Variants in CLCC1 observed in about 807,000 individuals in gnomAD.
CLCC1 encodes the protein chloride channel CLIC like 1.
Under a neutral mutation model 63.3 loss-of-function variants are expected in CLCC1, and 39 were observed. The ratio of observed to expected loss-of-function variants is 0.62; its 90% CI spans 0.48 to 0.81. The LOEUF is 0.81. Ranked by LOEUF, CLCC1 falls within the 30% of genes least tolerant of loss-of-function variation. The pLI is 0.00. For synonymous variants in CLCC1, 217 were observed against 239.8 expected, an observed-to-expected ratio of 0.90 and a Z score of 0.88; for missense variants, 549 against 669.4, an observed-to-expected ratio of 0.82 and a Z score of 1.98.
Position 108,943,935 on chromosome 1 carries a change from T to C in CLCC1, c.462A>G (p.Ala154=), listed in dbSNP as rs80340497. 1,512 of 1,613,124 alleles carry C rather than the reference T, an allele frequency of 9.4e-4. 16 individuals are homozygous for C. The African/African-American group carries it at 0.018, about 19-fold the overall frequency. ...EDWKPGALDD[A]LSDILINFKF... is the part of the protein sequence containing the mutation. ...TAAAATTAATTAAAATATCACTTAG[T>C]GCATCATCCAAGGCACCTGGTTTCC... Residue 154 remains alanine (A), a synonymous_variant, in exon 6 of 13, where the codon GCA becomes GCG. Coordinates refer to ENST00000369969, the MANE Select transcript of CLCC1 (RefSeq NM_001377458.1).
chr1:108,960,614 C>T (rs1223510851), intron 2 of CLCC1, among the ~76,000 whole-genome samples: 1 of 152,068 alleles, frequency 6.6e-6, no homozygotes, highest in African/African-American at 2.4e-5. Flanking sequence ...AGGTTATATA[C>T]TCCATAAATA....
intron 2 of CLCC1, among the ~76,000 whole-genome samples, chr1:108,956,213 T>C (rs1300698533): frequency 2.6e-5 from 4 of 151,372 alleles, no homozygotes; most frequent in Non-Finnish European, 4.4e-5. Flanking sequence ...TGGCCAGCCA[T>C]GTGGGTGAGC....
In CLCC1 at chr1:108,934,891, C is replaced by T; in HGVS notation, c.1435G>A (p.Gly479Arg). The change falls in exon 12 of 13, where the codon GGG becomes AGG. Residue 479 changes from glycine to arginine, a missense_variant. By Grantham distance (125) the Gly-to-Arg change is moderately radical (BLOSUM62 -2). Coordinates refer to ENST00000369969, the MANE Select transcript of CLCC1 (RefSeq NM_001377458.1). ...CTGCTTTCTTTCGGTGTGCCTTCCC[C>T]CAGGATTCCACCTGTCTCCTTGGGC... ...TKPKETGGILGEGTPKESSTE... is the reference protein window; with the variant it reads ...TKPKETGGILREGTPKESSTE... 1 of 1,614,166 alleles carries T rather than the reference C, an allele frequency of 6.2e-7. No individual in the cohort carries two copies. The highest frequency in any genetic ancestry group is 1.3e-5 in the African/African-American group (1 of 75,036).
At chr1:108,951,951 A>G (rs1430277541) in intron 2 of CLCC1, among the ~76,000 whole-genome samples, 5 of 150,912 alleles carry the variant, frequency 3.3e-5, no homozygotes, top group Non-Finnish European at 7.4e-5. Context: ...AAATTAATTA[A>G]CTTTTTTGTA....
Position 108,934,845 on chromosome 1 carries a change from G to A in CLCC1, c.1481C>T (p.Ala494Val), listed in dbSNP as rs748480469. 6.2e-7 allele frequency: 1 copy of A among 1,614,074 alleles called. No homozygotes were observed. The highest frequency in any genetic ancestry group is 8.5e-7 in the Non-Finnish European group (1 of 1,180,046). ...KESSTESSQS[A>V]KPVSGQDTSG... is the part of the protein sequence containing the mutation. ...TGTGTCTTGGCCAGAGACAGGCTTG[G>A]CCGACTGGCTGCTTTCAGTACTGCT... Residue 494 changes from alanine (A) to valine (V), a missense_variant, in exon 12 of 13, where the codon GCC (alanine) becomes GTC (valine). By Grantham distance (64) the Ala-to-Val change is moderately conservative. Transcript: ENST00000369969.
At chr1:108,934,461 GAGA>G in intron 12 of CLCC1, 161 bp downstream of exon 12, 1 of 538,296 alleles carries the variant, frequency 1.9e-6, no homozygotes, top group Non-Finnish European at 3.2e-6. Flanking sequence ...AAATATCAAA[GAGA>G]AGATGAAATG....
In CLCC1 at chr1:108,947,709, ACT is replaced by A. The variant is rs763009588; in HGVS notation, c.239_240del (p.Glu80ValfsTer2). 1.9e-6 allele frequency: 3 copies of A among 1,602,034 alleles called. No homozygotes were observed. In the East Asian group the frequency reaches 6.7e-5, roughly 36 times the overall value. On this transcript the variant is annotated frameshift_variant, in exon 5 of 13. Transcript: ENST00000369969. LOFTEE classifies it high-confidence loss of function. ...TAGTCTTCCCTCTTTTTCTTTTCAC[ACT>A]CATCAATCTGTAACCATAAAATCAA... ...KLDSLTYKIDECEKKKREDYE... is the reference protein window; with the variant it reads ...KLDSLTYKIDXCEKKKREDYE...
At chr1:108,961,520 T>G (rs950116228) in intron 2 of CLCC1, among the ~76,000 whole-genome samples, 1 of 152,218 alleles carries the variant, frequency 6.6e-6, no homozygotes, top group Non-Finnish European at 1.5e-5. Context: ...ATTTCTCTCC[T>G]GTCTCAGGCT....
At chr1:108,941,533 T>C (rs1653839886) in intron 7 of CLCC1, 35 bp from the exon 8 acceptor site, 1 of 1,571,240 alleles carries the variant, frequency 6.4e-7, no homozygotes, top group Admixed American at 1.7e-5. Flanking sequence ...GGAGAGGCCG[T>C]TACCTATGAA....
At chr1:108,949,509 TGTGATAG>T (rs890129980) in intron 4 of CLCC1, among the ~76,000 whole-genome samples, 10 of 152,196 alleles carry the variant, frequency 6.6e-5, no homozygotes, top group Non-Finnish European at 8.8e-5. Context: ...GCCTCAGCCC[TGTGATAG>T]GTGACAGAGA....
intron 5 of CLCC1, 58 bp from the exon 6 acceptor site, chr1:108,944,115 G>A (rs1247269558): frequency 2.3e-6 from 3 of 1,300,276 alleles, no homozygotes; most frequent in East Asian, 2.4e-5. Flanking sequence ...ACTACTTGGT[G>A]AACCATTTTA....
intron 5 of CLCC1, among the ~76,000 whole-genome samples, chr1:108,944,638 T>C (rs1654295215): frequency 6.6e-6 from 1 of 151,392 alleles, no homozygotes; most frequent in East Asian, 1.9e-4. Flanking sequence ...TTATCGTCTT[T>C]TTTTTTTTTT....
At position 108,958,143 on chromosome 1, in the gene CLCC1, G is replaced by A. The variant is rs568426922; in HGVS notation, c.-12+4166C>T. Among the ~76,000 whole-genome samples, 70 of 151,514 alleles carry A rather than the reference G, an allele frequency of 4.6e-4. 1 individual carries two copies. The highest frequency in any genetic ancestry group is 4.1e-4 in the South Asian group (2 of 4,826). The stretch of plus-strand genomic sequence containing the variant: ...GCAGCTTTAACAGAGAAAGCCTACC[G>A]GGAATGGTTAAAGGAATCATTCAGG... On this transcript the variant is annotated intron_variant, in intron 2 of 12. Coordinates refer to ENST00000369969, the MANE Select transcript of CLCC1 (RefSeq NM_001377458.1).
At chr1:108,941,571 T>G in intron 7 of CLCC1, 73 bp from the exon 8 acceptor site, 1 of 1,028,580 alleles carries the variant, frequency 9.7e-7, no homozygotes, top group Non-Finnish European at 1.5e-6. Flanking sequence ...CAAAAGACCT[T>G]CATTCAAAGA....
intron 2 of CLCC1, among the ~76,000 whole-genome samples, chr1:108,954,010 C>CAAAAAA (rs11463360): frequency 2.0e-5 from 2 of 98,038 alleles, no homozygotes; most frequent in African/African-American, 4.1e-5. Context: ...AACTCCGTCT[C>CAAAAAA]AAAAAAAAAA....
At chr1:108,940,501 C>T (rs1489514600) in intron 8 of CLCC1, among the ~76,000 whole-genome samples, 1 of 152,102 alleles carries the variant, frequency 6.6e-6, no homozygotes, top group Non-Finnish European at 1.5e-5. Context: ...AATATCCTGG[C>T]TCTGATATTG....
intron 2 of CLCC1, among the ~76,000 whole-genome samples, chr1:108,961,393 T>A (rs1656620638): frequency 6.6e-6 from 1 of 151,616 alleles, no homozygotes; most frequent in South Asian, 2.1e-4. Flanking sequence ...AGTAGCAAAG[T>A]GTTAATCGAA....
At chr1:108,941,615 T>TA in intron 7 of CLCC1, 117 bp from the exon 8 acceptor site, 1 of 518,514 alleles carries the variant, frequency 1.9e-6, no homozygotes, top group Admixed American at 3.8e-5. Flanking sequence ...CAGACTGTTA[T>TA]AAATTTTTAA....
chr1:108,951,379 T>C (rs1655163588), intron 2 of CLCC1, among the ~76,000 whole-genome samples: 1 of 151,888 alleles, frequency 6.6e-6, no homozygotes, highest in African/African-American at 2.4e-5. Context: ...GGGACCCCCA[T>C]CACAGAAAAA....
Sources: gnomAD v4.1 joint callset for allele counts (sites outside exome capture counted in the v4.1 genomes callset) on GRCh38, gnomAD v4.1.1 for gene constraint, MANE v1.5 for transcripts, NCBI Gene and HGNC (gene_info 2026-07-23, HGNC 2026-07-21) for gene names.